The following STRN variants were observed in gnomAD, a reference collection of about 807,000 sequenced individuals.
STRN encodes the protein striatin, also known as protein phosphatase 2 regulatory subunit B'''alpha.
A neutral mutation model predicts 96.3 loss-of-function variants in STRN; 53 were observed. That is an observed-to-expected ratio of 0.55 (90% CI 0.44 to 0.69). The LOEUF (loss-of-function observed/expected upper bound fraction) is 0.69. Among genes scored for constraint, STRN ranks in the 30% least tolerant of loss-of-function variants. The pLI is 0.00. For missense variants in STRN, 987 were observed against 963.9 expected (o/e 1.02, Z -0.32); for synonymous variants, 428 against 355.9 (o/e 1.20, Z -2.28).
chr2:36,905,032 C>T (rs78109985), intron 4 of STRN, among the ~76,000 whole-genome samples: 18,284 of 149,836 alleles, frequency 0.12, 2,258 homozygotes, highest in African/African-American at 0.31. Flanking sequence ...TGCAATGGCG[C>T]GATCTCGGCT....
At chr2:36,865,800 TC>T (rs1204580010) in intron 12 of STRN, among the ~76,000 whole-genome samples, 1 of 151,924 alleles carries the variant, frequency 6.6e-6, no homozygotes, top group East Asian at 1.9e-4. Flanking sequence ...GACCTTGTGA[TC>T]CGCCTGCCTC....
intron 1 of STRN, among the ~76,000 whole-genome samples, chr2:36,928,670 C>A (rs1033828023): frequency 7.0e-6 from 1 of 143,020 alleles, no homozygotes. Context: ...AAAGGCAGGG[C>A]GCAGTGGCTC....
intron 1 of STRN, among the ~76,000 whole-genome samples, chr2:36,945,435 C>T (rs1270698653): frequency 1.3e-5 from 2 of 152,062 alleles, no homozygotes; most frequent in African/African-American, 4.8e-5. Flanking sequence ...TGGGAGGCCG[C>T]GGCAGGCGGA....
At chr2:36,904,126 G>T (rs1347170203) in intron 4 of STRN, among the ~76,000 whole-genome samples, 1 of 152,016 alleles carries the variant, frequency 6.6e-6, no homozygotes, top group African/African-American at 2.4e-5. Flanking sequence ...AACATTCTAA[G>T]AACACATCTA....
chr2:36,928,320 A>C (rs1203612698), intron 1 of STRN, among the ~76,000 whole-genome samples: 1 of 152,152 alleles, frequency 6.6e-6, no homozygotes, highest in African/African-American at 2.4e-5. Flanking sequence ...AAACAGCAAA[A>C]GGAAGAAAAA....
chr2:36,865,864 C>G (rs1369210935), intron 12 of STRN, among the ~76,000 whole-genome samples: 1 of 152,058 alleles, frequency 6.6e-6, no homozygotes, highest in African/African-American at 2.4e-5. Flanking sequence ...TGGCCGAGAT[C>G]TAATTTTTTG....
intron 2 of STRN, among the ~76,000 whole-genome samples, chr2:36,920,102 G>A (rs1034661799): frequency 2.0e-5 from 3 of 152,056 alleles, no homozygotes; most frequent in African/African-American, 7.2e-5. Context: ...AAGGTATCTG[G>A]AATTGCATTA....
chr2:36,897,613 A>G (rs1438483983), intron 6 of STRN, among the ~76,000 whole-genome samples: 1 of 151,134 alleles, frequency 6.6e-6, no homozygotes, highest in Non-Finnish European at 1.5e-5. Flanking sequence ...TTTTTTTTGT[A>G]TTTTTAGTAG....
At chr2:36,866,239 T>C (rs1411099552) in intron 12 of STRN, among the ~76,000 whole-genome samples, 1 of 152,076 alleles carries the variant, frequency 6.6e-6, no homozygotes, top group Non-Finnish European at 1.5e-5. Context: ...CACTAGTGGC[T>C]GATTTTTGTA....
chr2:36,918,999 T>A (rs755834803), intron 2 of STRN, among the ~76,000 whole-genome samples: 1 of 152,238 alleles, frequency 6.6e-6, no homozygotes, highest in Non-Finnish European at 1.5e-5. Context: ...AATTGCTTAA[T>A]AACTATAATA....
At chr2:36,892,052 A>G (rs1669415455) in intron 7 of STRN, among the ~76,000 whole-genome samples, 1 of 152,244 alleles carries the variant, frequency 6.6e-6, no homozygotes, top group African/African-American at 2.4e-5. Flanking sequence ...AAAACACACT[A>G]AGTAACATTT....
chr2:36,951,953 G>C (rs1261437210), intron 1 of STRN, among the ~76,000 whole-genome samples: 1 of 152,186 alleles, frequency 6.6e-6, no homozygotes, highest in Non-Finnish European at 1.5e-5. Context: ...GGATCCTACT[G>C]TGAACAGCCC....
chr2:36,934,222 G>A (rs912500082), intron 1 of STRN, among the ~76,000 whole-genome samples: 2 of 152,118 alleles, frequency 1.3e-5, no homozygotes, highest in African/African-American at 4.8e-5. Flanking sequence ...AAAAAGAACA[G>A]AAATGTTCTA....
intron 2 of STRN, among the ~76,000 whole-genome samples, chr2:36,918,747 C>G (rs1040015589): frequency 1.3e-5 from 2 of 152,100 alleles, no homozygotes; most frequent in Non-Finnish European, 2.9e-5. Flanking sequence ...CTCACAGAAC[C>G]CTCCTTATGC....
At chr2:36,879,861 G>A (rs987391390) in intron 9 of STRN, among the ~76,000 whole-genome samples, 3 of 151,936 alleles carry the variant, frequency 2.0e-5, no homozygotes, top group African/African-American at 7.3e-5. Context: ...CAGGCTCGGA[G>A]GCTCATGCCT....
chr2:36,862,228 CATGT>C (rs2148138984), intron 12 of STRN, among the ~76,000 whole-genome samples: 1 of 152,258 alleles, frequency 6.6e-6, no homozygotes, highest in East Asian at 1.9e-4. Context: ...AACACACATG[CATGT>C]GTCTTTATAG....
chr2:36,904,712 C>G (rs974427979), intron 4 of STRN, among the ~76,000 whole-genome samples: 21 of 152,082 alleles, frequency 1.4e-4, no homozygotes, highest in African/African-American at 5.1e-4. Flanking sequence ...CCTGTAGTCC[C>G]AGCTACCCGG....
Position 36,855,324 on chromosome 2 carries a change from T to C in STRN, c.1866A>G (p.Leu622=), listed in dbSNP as rs779634070. 8.1e-6 allele frequency: 13 copies of C among 1,613,604 alleles called. No homozygotes were observed. Among genetic ancestry groups the C allele is most frequent in the Admixed American group, 1.7e-5 (1 of 59,960 alleles). Residue 622 remains leucine, a synonymous_variant, in exon 15 of 18, where the codon CTA becomes CTG. Transcript: ENST00000263918. ...KELGIPASVD[L]VSSDPSHMVA... ...CCATATGGCTCGGGTCACTGCTCAC[T>C]AGATCCACAGAGGCAGGGATTCCCA...
chr2:36,935,356 C>T (rs370233213), intron 1 of STRN, among the ~76,000 whole-genome samples: 8 of 152,284 alleles, frequency 5.3e-5, no homozygotes, highest in African/African-American at 1.9e-4. Context: ...TATTTTAACA[C>T]TTTATGAGAC....
Sources: gnomAD v4.1 joint callset for allele counts (sites outside exome capture counted in the v4.1 genomes callset) on GRCh38, gnomAD v4.1.1 for gene constraint, MANE v1.5 for transcripts, NCBI Gene and HGNC (gene_info 2026-07-23, HGNC 2026-07-21) for gene names.